The following EXOC4 variants were observed in gnomAD, a reference collection of about 807,000 sequenced individuals.
The protein encoded by EXOC4 is exocyst complex component 4.
EXOC4 carries 71 observed loss-of-function variants against 107.2 expected under a neutral mutation model. The observed-to-expected ratio is 0.66, with a 90% CI of 0.55 to 0.81. The LOEUF (loss-of-function observed/expected upper bound fraction) is 0.81, where lower values mean the gene tolerates loss of function less well. EXOC4 is among the 30% of genes least tolerant of loss of function. EXOC4 has a pLI of 0.00. For missense variants in EXOC4, 1,108 were observed against 1,189.6 expected (o/e 0.93, Z 1.01); for synonymous variants, 456 against 441.2 (o/e 1.03, Z -0.42).
chr7:133,342,512 C>G (rs532498177), intron 5 of EXOC4, among the ~76,000 whole-genome samples: 1 of 152,232 alleles, frequency 6.6e-6, no homozygotes, highest in South Asian at 2.1e-4. Context: ...GCGGTGATCT[C>G]TTTGCTATGA....
Position 133,306,031 on chromosome 7 carries a change from T to A in EXOC4, c.626T>A (p.Val209Glu), listed in dbSNP as rs773403062. 2.5e-6 allele frequency: 4 copies of A among 1,613,018 alleles called. No homozygotes were observed. The East Asian group carries it at 6.7e-5, about 27-fold the overall frequency. Residue 209 changes from valine (V) to glutamate (E), a missense_variant, in exon 4 of 18, where the codon GTG becomes GAG. Physicochemically the swap from Val to Glu is moderately radical, Grantham distance 121. Transcript: ENST00000253861. ...HLYIKSTSRV[V>E]QRNKEKGKIS... ...TACATCAAATCGACTAGCCGAGTTGTGCAGCGTAACAAGGAAAAAGGGAAA... is the reference window on the plus strand; with the variant it reads ...TACATCAAATCGACTAGCCGAGTTGAGCAGCGTAACAAGGAAAAAGGGAAA...
chr7:133,572,645 C>A (rs541436817), intron 9 of EXOC4, among the ~76,000 whole-genome samples: 1 of 152,192 alleles, frequency 6.6e-6, no homozygotes, highest in Admixed American at 6.5e-5. Context: ...TTCCTTCCAG[C>A]ATAACAAAAA....
chr7:133,694,378 G>A (rs1205320947), intron 10 of EXOC4, among the ~76,000 whole-genome samples: 2 of 152,152 alleles, frequency 1.3e-5, no homozygotes, highest in African/African-American at 4.8e-5. Context: ...TCATCCTTAG[G>A]TATGCTCAAA....
intron 10 of EXOC4, among the ~76,000 whole-genome samples, chr7:133,797,379 C>G (rs1051466335): frequency 1.3e-5 from 2 of 152,088 alleles, no homozygotes; most frequent in Non-Finnish European, 2.9e-5. Flanking sequence ...GCGATTCTGC[C>G]CAAGTAGTAT....
intron 2 of EXOC4, among the ~76,000 whole-genome samples, chr7:133,282,631 C>CT (rs987454440): frequency 2.7e-5 from 4 of 150,908 alleles, no homozygotes; most frequent in South Asian, 2.1e-4. Flanking sequence ...TTAAAAAAAC[C>CT]TTTTTTTTTA....
At chr7:133,759,144 A>ATTT (rs34768347) in intron 10 of EXOC4, among the ~76,000 whole-genome samples, 14 of 140,624 alleles carry the variant, frequency 1.0e-4, no homozygotes, top group Non-Finnish European at 1.5e-4. Flanking sequence ...CAACAAAAGA[A>ATTT]TTTTTTTTTT....
At chr7:133,435,859 G>T (rs1195759759) in intron 7 of EXOC4, among the ~76,000 whole-genome samples, 1 of 152,076 alleles carries the variant, frequency 6.6e-6, no homozygotes, top group Non-Finnish European at 1.5e-5. Flanking sequence ...TTGCCACCTA[G>T]ATTGTGCTGA....
chr7:133,274,587 C>T (rs922335795), intron 1 of EXOC4, among the ~76,000 whole-genome samples: 3 of 152,148 alleles, frequency 2.0e-5, no homozygotes, highest in Non-Finnish European at 4.4e-5. Flanking sequence ...TTTCTTGTTA[C>T]TATTCTTGCA....
intron 11 of EXOC4, among the ~76,000 whole-genome samples, chr7:133,849,210 C>A (rs1038247338): frequency 2.0e-5 from 3 of 152,088 alleles, no homozygotes; most frequent in Non-Finnish European, 4.4e-5. Context: ...TGCTTGAGGG[C>A]AGGAGTTTGA....
chr7:133,443,619 A>T (rs1383263732), intron 7 of EXOC4, among the ~76,000 whole-genome samples: 3 of 152,100 alleles, frequency 2.0e-5, no homozygotes, highest in Non-Finnish European at 4.4e-5. Context: ...ATTCACTTCC[A>T]TGCAGGTTGT....
chr7:134,094,351 A>C, the EXOC4 span, among the ~76,000 whole-genome samples: 1 of 152,180 alleles, frequency 6.6e-6, no homozygotes, highest in African/African-American at 2.4e-5. Context: ...CAATCTCCTA[A>C]AACTGAATCA....
rs555937957 is a variant in EXOC4 at position 133,909,031 on chromosome 7, C to G, written c.1872-8552C>G. Among the ~76,000 whole-genome samples the G allele has an allele frequency of 3.9e-5, 6 of 152,260 alleles. No homozygotes were observed. In the South Asian group the frequency reaches 1.2e-3, roughly 32 times the overall value. On this transcript the variant is annotated intron_variant, in intron 12 of 17. Transcript: ENST00000253861. ...GGCCCCAGTGTGTCATGTTCCCCTC[C>G]ATGTGTCCATGTGTTCTCATTGTTC...
At chr7:133,904,259 A>G (rs1799518875) in intron 12 of EXOC4, among the ~76,000 whole-genome samples, 2 of 152,108 alleles carry the variant, frequency 1.3e-5, no homozygotes, top group Admixed American at 1.3e-4. Flanking sequence ...AAAGGGGAAA[A>G]TCCCTGAAAT....
chr7:133,707,068 CTT>C (rs1215548672), intron 10 of EXOC4, among the ~76,000 whole-genome samples: 4 of 142,706 alleles, frequency 2.8e-5, no homozygotes, highest in Admixed American at 7.0e-5. Flanking sequence ...ATTAAGTGGC[CTT>C]TTTTTTTTTT....
chr7:133,540,261 C>T (rs1012775661), intron 9 of EXOC4, among the ~76,000 whole-genome samples: 1 of 152,234 alleles, frequency 6.6e-6, no homozygotes, highest in African/African-American at 2.4e-5. Flanking sequence ...TGGTAAACCA[C>T]ATACCATCTA....
At chr7:133,720,486 A>G (rs770722709) in intron 10 of EXOC4, among the ~76,000 whole-genome samples, 8 of 152,202 alleles carry the variant, frequency 5.3e-5, no homozygotes, top group Non-Finnish European at 8.8e-5. Flanking sequence ...ACAGTCGACC[A>G]TAGGATCTTA....
intron 14 of EXOC4, among the ~76,000 whole-genome samples, chr7:133,962,767 T>C (rs1198014125): frequency 6.6e-6 from 1 of 152,200 alleles, no homozygotes; most frequent in African/African-American, 2.4e-5. Context: ...TTACGCTTCA[T>C]AGGAACAGAT....
intron 10 of EXOC4, among the ~76,000 whole-genome samples, chr7:133,648,341 C>G (rs1261231761): frequency 6.6e-6 from 1 of 152,200 alleles, no homozygotes; most frequent in East Asian, 1.9e-4. Context: ...TATAAACATT[C>G]TCTGTTGGCA....
chr7:133,588,943 T>C (rs1310770924), intron 9 of EXOC4, among the ~76,000 whole-genome samples: 1 of 149,920 alleles, frequency 6.7e-6, no homozygotes, highest in Middle Eastern at 3.2e-3. Context: ...TGTGTGTATG[T>C]ATATGTGTGT....
Sources: gnomAD v4.1 joint callset for allele counts (sites outside exome capture counted in the v4.1 genomes callset) on GRCh38, gnomAD v4.1.1 for gene constraint, MANE v1.5 for transcripts, NCBI Gene and HGNC (gene_info 2026-07-23, HGNC 2026-07-21) for gene names.